Variants in KMT2C observed in about 807,000 individuals in gnomAD.
KMT2C encodes the protein histone-lysine N-methyltransferase 2C.
Under a neutral mutation model 507.9 loss-of-function variants are expected in KMT2C, and 88 were observed. The ratio of observed to expected loss-of-function variants is 0.17; its 90% CI spans 0.15 to 0.21. The LOEUF is 0.21. Ranked by LOEUF, KMT2C falls within the 10% of genes least tolerant of loss-of-function variation. The probability of loss-of-function intolerance (pLI) is 1.00; values close to 1 mark genes in which losing one functional copy is unlikely to be tolerated. For synonymous variants in KMT2C, 2,049 were observed against 2,080.8 expected, an observed-to-expected ratio of 0.98 and a Z score of 0.42; for missense variants, 4,954 against 5,957.8, an observed-to-expected ratio of 0.83 and a Z score of 5.55.
At position 152,273,775 on chromosome 7, in the gene KMT2C, G is replaced by A. The variant is rs1345270218; in HGVS notation, c.942C>T (p.Ala314=). 1.2e-5 allele frequency: 20 copies of A among 1,614,082 alleles called. No homozygotes were observed. Among genetic ancestry groups the A allele is most frequent in the Admixed American group, 6.7e-5 (4 of 60,026 alleles). Residue 314 remains alanine, a synonymous_variant, in exon 7 of 59, where the codon GCC becomes GCT. Transcript: ENST00000262189. The part of the protein sequence containing the change: ...QMYHYPCAAG[A]GTFQDFSHIF... ...TGTGACTGAAATCCTGAAAGGTGCCGGCTCCTGCAGCACAAGGATAATGAT... is the reference window on the plus strand; with the variant it reads ...TGTGACTGAAATCCTGAAAGGTGCCAGCTCCTGCAGCACAAGGATAATGAT...
chr7:152,142,507 TAAGAGACTTTTTAG>T (rs1424800388), intron 55 of KMT2C, among the ~76,000 whole-genome samples: 1 of 152,216 alleles, frequency 6.6e-6, no homozygotes, highest in Non-Finnish European at 1.5e-5. Context: ...AAGTGTGCAG[TAAGAGACTTTTTAG>T]AAAACTGGCA....
intron 31 of KMT2C, among the ~76,000 whole-genome samples, chr7:152,189,104 G>A (rs2093714054): frequency 6.6e-6 from 1 of 151,852 alleles, no homozygotes; most frequent in African/African-American, 2.4e-5. Context: ...ATACCTTATC[G>A]TTTTCTTTCT....
chr7:152,316,344 G>A (rs1397050625), intron 3 of KMT2C, among the ~76,000 whole-genome samples: 2 of 152,090 alleles, frequency 1.3e-5, no homozygotes, highest in Non-Finnish European at 2.9e-5. Context: ...GAAACTGCTG[G>A]GGGTAGAGGT....
chr7:152,344,473 C>A lies in KMT2C; in HGVS notation c.251-13734G>T, dbSNP rs146046471. Among the ~76,000 whole-genome samples the A allele has an allele frequency of 4.4e-3, 673 of 152,214 alleles. 2 individuals are homozygous for A. Among genetic ancestry groups the A allele is most frequent in the African/African-American group, 0.015 (643 of 41,506 alleles). ...TGAATTGTTTATTTCTGGAATTTCCCATTTAGTATTTTCAGACCACGGTTA... is the reference window on the plus strand; with the variant it reads ...TGAATTGTTTATTTCTGGAATTTCCAATTTAGTATTTTCAGACCACGGTTA... On this transcript the variant is annotated intron_variant, in intron 2 of 58. Coordinates refer to ENST00000262189, the MANE Select transcript of KMT2C (RefSeq NM_170606.3).
chr7:152,379,541 A>AAAAC (rs1362537829), intron 1 of KMT2C, among the ~76,000 whole-genome samples: 2 of 151,642 alleles, frequency 1.3e-5, no homozygotes, highest in African/African-American at 4.8e-5. Flanking sequence ...CTGTCTCCAA[A>AAAAC]AAACAAACAA....
chr7:152,385,791 T>C (rs2097420974), intron 1 of KMT2C, among the ~76,000 whole-genome samples: 1 of 151,218 alleles, frequency 6.6e-6, no homozygotes, highest in Non-Finnish European at 1.5e-5. Context: ...ATAAACGATA[T>C]CACATTATGC....
At chr7:152,357,075 A>G (rs903077041) in intron 2 of KMT2C, among the ~76,000 whole-genome samples, 7 of 151,400 alleles carry the variant, frequency 4.6e-5, no homozygotes, top group Admixed American at 1.3e-4. Context: ...TAAAAATACG[A>G]GTTATCCAGG....
rs1327461347 is a variant in KMT2C, at chr7:152,221,564, T to C, written c.3499+437A>G. ...ACTATCCAAACATTTTTGTATCAGG[T>C]GCTATTAAATACAAATATTCAAAAG... On this transcript the variant is annotated intron_variant, in intron 22 of 58. Transcript: ENST00000262189. Among the ~76,000 whole-genome samples, 4 of 152,322 alleles carry C rather than the reference T, an allele frequency of 2.6e-5. No homozygotes were observed. The East Asian group carries it at 7.7e-4, about 29-fold the overall frequency.
intron 6 of KMT2C, among the ~76,000 whole-genome samples, chr7:152,295,784 CG>C (rs2096486603): frequency 6.6e-6 from 1 of 152,038 alleles, no homozygotes; most frequent in South Asian, 2.1e-4. Flanking sequence ...TATGAACGCT[CG>C]GCTGGGCGCA....
rs150844259 is a variant in KMT2C at position 152,181,024 on chromosome 7, G to A, written c.6836C>T (p.Pro2279Leu). The A allele has an allele frequency of 1.1e-4, 185 of 1,614,090 alleles. No homozygotes were observed. The highest frequency in any genetic ancestry group is 1.2e-4 in the Admixed American group (7 of 60,010). Reference sequence around the variant, plus strand: ...AAATGTGTCTGAAAGACCAGGTCCAGGGGGCCTAGGTGTCTGGGAACATGT... The same window carrying A: ...AAATGTGTCTGAAAGACCAGGTCCAAGGGGCCTAGGTGTCTGGGAACATGT... ...PDTCSQTPRP[P>L]GPGLSDTFSR... is the part of the protein sequence containing the mutation. The change falls in exon 36 of 59, where the codon CCT becomes CTT. Residue 2279 changes from proline (P) to leucine (L), a missense_variant. Coordinates refer to ENST00000262189, the MANE Select transcript of KMT2C (RefSeq NM_170606.3).
intron 23 of KMT2C, among the ~76,000 whole-genome samples, chr7:152,210,755 T>C (rs2094437061): frequency 6.6e-6 from 1 of 152,130 alleles, no homozygotes; most frequent in Admixed American, 6.5e-5. Context: ...TAAAATCCTC[T>C]GAGGGATAAT....
In KMT2C at chr7:152,181,384, T is replaced by A. The variant is rs1277127425; in HGVS notation, c.6476A>T (p.Tyr2159Phe). 1 of 1,613,564 alleles carries A rather than the reference T, an allele frequency of 6.2e-7. No individual in the cohort carries two copies. Among genetic ancestry groups the A allele is most frequent in the Admixed American group, 1.7e-5 (1 of 59,924 alleles). Residue 2159 changes from tyrosine to phenylalanine, a missense_variant, in exon 36 of 59, where the codon TAC becomes TTC. By Grantham distance (22) the Tyr-to-Phe change is conservative (BLOSUM62 3). This residue lies in a region of KMT2C where 1,689 missense variants were observed against 1,654.3 expected (regional missense o/e 1.02). Transcript: ENST00000262189. ...CCGGGGAGTTCCAGGAGGTTGAGAG[T>A]AAGGGTCTGTATTGGACCTAGCTGT... ...SGTARSNTDPYSQPPGTPRPT... is the reference protein window; with the variant it reads ...SGTARSNTDPFSQPPGTPRPT...
At chr7:152,147,236 G>A (rs2091193937) in intron 52 of KMT2C, among the ~76,000 whole-genome samples, 1 of 151,992 alleles carries the variant, frequency 6.6e-6, no homozygotes, top group African/African-American at 2.4e-5. Flanking sequence ...AAGCAAAAGT[G>A]ACAATCTAGA....
Position 152,162,829 on chromosome 7 carries a change from G to A in KMT2C, c.10748C>T (p.Pro3583Leu), listed in dbSNP as rs546643392. ...CTGAATGAGCGATTGGGTTGATCCC[G>A]GATAACTGTGTCCATGGGTTATAGT... is the stretch of plus-strand genomic sequence containing the variant. ...DSTITHGHSY[P>L]GSTQSLIQLY... is the part of the protein sequence containing the mutation. Residue 3583 changes from proline to leucine, a missense_variant, in exon 43 of 59, where the codon CCG becomes CTG. Pro to Leu is a moderately conservative substitution (Grantham distance 98). Transcript: ENST00000262189. The A allele has an allele frequency of 2.9e-5, 47 of 1,614,094 alleles. No homozygotes were observed. The highest frequency in any genetic ancestry group is 1.1e-4 in the East Asian group (5 of 44,874).
rs767213169 is a variant in KMT2C, at chr7:152,180,936, A to G, written c.6924T>C (p.Ser2308=). The G allele has an allele frequency of 6.2e-7, 1 of 1,614,056 alleles. No individual in the cohort carries two copies. The highest frequency in any genetic ancestry group is 8.5e-7 in the Non-Finnish European group (1 of 1,180,040). Residue 2308 remains serine (S), a synonymous_variant, in exon 36 of 59, where the codon TCT becomes TCC. Coordinates refer to ENST00000262189, the MANE Select transcript of KMT2C (RefSeq NM_170606.3). The part of the protein sequence containing the change: ...PYDQSPMTPR[S]QSDSFGTSQT... ...GACTTGTTCCAAAAGAGTCAGACTG[A>G]GATCTTGGAGTCATTGGAGACTGAT...
chr7:152,156,967 G>C (rs537809294), intron 44 of KMT2C, among the ~76,000 whole-genome samples: 1 of 152,234 alleles, frequency 6.6e-6, no homozygotes, highest in South Asian at 2.1e-4. Flanking sequence ...GGAGAGACTT[G>C]GAATCTACCA....
chr7:152,168,367 G>A (rs986874743), intron 41 of KMT2C, among the ~76,000 whole-genome samples: 3 of 152,118 alleles, frequency 2.0e-5, no homozygotes, highest in African/African-American at 7.2e-5. Context: ...TGTTTTTAAT[G>A]CAAATATGTA....
intron 57 of KMT2C, 134 bp downstream of exon 57, chr7:152,139,052 C>A (rs1331238644): frequency 9.9e-7 from 1 of 1,008,230 alleles, no homozygotes; most frequent in African/African-American, 1.6e-5. Context: ...AATAAAAATT[C>A]TCAACTCATT....
chr7:152,370,128 A>G (rs2097282553), intron 1 of KMT2C, among the ~76,000 whole-genome samples: 1 of 151,690 alleles, frequency 6.6e-6, no homozygotes, highest in Non-Finnish European at 1.5e-5. Flanking sequence ...CTGGAGGCAG[A>G]GCTTGCAGTG....
Sources: gnomAD v4.1 joint callset for allele counts (sites outside exome capture counted in the v4.1 genomes callset) on GRCh38, gnomAD v4.1.1 for gene constraint, gnomAD v4.1.1 regional missense constraint, MANE v1.5 for transcripts, NCBI Gene and HGNC (gene_info 2026-07-23, HGNC 2026-07-21) for gene names.